Variants in ADGRL3 observed in about 807,000 individuals in gnomAD.
The protein encoded by ADGRL3 is calcium-independent alpha-latrotoxin receptor 3.
A neutral mutation model predicts 153.5 loss-of-function variants in ADGRL3; 62 were observed. The ratio of observed to expected loss-of-function variants is 0.40; its 90% CI spans 0.33 to 0.50. The LOEUF is 0.50. Among genes scored for constraint, ADGRL3 ranks in the 20% least tolerant of loss-of-function variants. ADGRL3 has a pLI of 0.47. For missense variants in ADGRL3, 1,641 were observed against 1,859.4 expected (o/e 0.88, Z 2.16); for synonymous variants, 710 against 672.5 (o/e 1.06, Z -0.86).
chr4:61,956,312 T>C (rs2098965930), intron 17 of ADGRL3, among the ~76,000 whole-genome samples: 1 of 152,080 alleles, frequency 6.6e-6, no homozygotes, highest in Non-Finnish European at 1.5e-5. Context: ...TTTTTTCCTA[T>C]GTTTGTTGGC....
At chr4:61,911,259 A>C (rs2098720590) in intron 12 of ADGRL3, among the ~76,000 whole-genome samples, 1 of 152,156 alleles carries the variant, frequency 6.6e-6, no homozygotes, top group Admixed American at 6.5e-5. Flanking sequence ...TTGATGTCTG[A>C]CAATATCAGG....
At chr4:61,613,582 A>G (rs1401793092) in intron 5 of ADGRL3, among the ~76,000 whole-genome samples, 2 of 152,106 alleles carry the variant, frequency 1.3e-5, no homozygotes, top group African/African-American at 2.4e-5. Flanking sequence ...TGTCTCTACT[A>G]AAAATACAAA....
intron 26 of ADGRL3, among the ~76,000 whole-genome samples, chr4:62,068,877 A>G (rs1031340236): frequency 2.6e-5 from 4 of 152,192 alleles, no homozygotes; most frequent in African/African-American, 4.8e-5. Flanking sequence ...GCATATTTGA[A>G]TCACGTAATT....
chr4:62,047,857 C>G (rs115584340), intron 25 of ADGRL3, among the ~76,000 whole-genome samples: 1 of 152,104 alleles, frequency 6.6e-6, no homozygotes, highest in Non-Finnish European at 1.5e-5. Flanking sequence ...GCCAGCACTA[C>G]TATCAAGTTA....
chr4:61,551,601 A>C (rs1171179466), intron 4 of ADGRL3, among the ~76,000 whole-genome samples: 3 of 152,154 alleles, frequency 2.0e-5, no homozygotes, highest in African/African-American at 7.2e-5. Flanking sequence ...TCCTTTTGCT[A>C]AGATAAACCA....
intron 7 of ADGRL3, among the ~76,000 whole-genome samples, chr4:61,732,002 G>T (rs1202994167): frequency 6.6e-6 from 1 of 152,094 alleles, no homozygotes; most frequent in Non-Finnish European, 1.5e-5. Context: ...ACAGTAAAAG[G>T]TACATGTTTT....
chr4:61,203,452 G>T (rs1357580651), intron 1 of ADGRL3, among the ~76,000 whole-genome samples: 2 of 152,174 alleles, frequency 1.3e-5, no homozygotes, highest in African/African-American at 4.8e-5. Flanking sequence ...GGAAGTATAA[G>T]GCTTCTTGCA....
intron 3 of ADGRL3, among the ~76,000 whole-genome samples, chr4:61,502,164 G>T (rs1184733699): frequency 6.6e-6 from 1 of 152,066 alleles, no homozygotes; most frequent in African/African-American, 2.4e-5. Flanking sequence ...TAGGTACCTG[G>T]GGCTCATTTT....
At chr4:61,544,875 C>T (rs1023418803) in intron 4 of ADGRL3, among the ~76,000 whole-genome samples, 1 of 152,270 alleles carries the variant, frequency 6.6e-6, no homozygotes, top group Admixed American at 6.5e-5. Flanking sequence ...ATTTCACTAA[C>T]ACTTTGCAAT....
chr4:61,430,846 C>A (rs991858292), intron 2 of ADGRL3, among the ~76,000 whole-genome samples: 22 of 151,994 alleles, frequency 1.4e-4, no homozygotes, highest in African/African-American at 4.3e-4. Context: ...AATATATTCT[C>A]CTGCATATTT....
chr4:61,817,262 A>C (rs983742833), intron 9 of ADGRL3, among the ~76,000 whole-genome samples: 1 of 150,730 alleles, frequency 6.6e-6, no homozygotes, highest in African/African-American at 2.4e-5. Context: ...TTTAAACCCC[A>C]CTTTCAAGGC....
intron 1 of ADGRL3, among the ~76,000 whole-genome samples, chr4:61,216,199 C>T (rs1742705470): frequency 6.6e-6 from 1 of 152,068 alleles, no homozygotes; most frequent in African/African-American, 2.4e-5. Context: ...ATTAGACTAT[C>T]TTTTTGTGAT....
At chr4:61,287,571 C>T (rs1337832639) in intron 1 of ADGRL3, among the ~76,000 whole-genome samples, 1 of 151,866 alleles carries the variant, frequency 6.6e-6, no homozygotes, top group Non-Finnish European at 1.5e-5. Flanking sequence ...TAAATTAATT[C>T]TGTATGTAGC....
chr4:61,963,430 G>A (rs999877822), intron 17 of ADGRL3, among the ~76,000 whole-genome samples: 1 of 151,814 alleles, frequency 6.6e-6, no homozygotes, highest in Non-Finnish European at 1.5e-5. Flanking sequence ...CCACTCTCAA[G>A]AAGGCCCTAG....
intron 5 of ADGRL3, among the ~76,000 whole-genome samples, chr4:61,615,745 T>TG (rs1388330607): frequency 1.3e-5 from 2 of 152,090 alleles, no homozygotes; most frequent in Non-Finnish European, 1.5e-5. Flanking sequence ...TGACTTGCAT[T>TG]GAAAACTATC....
chr4:61,991,809 C>G (rs2099104782), intron 19 of ADGRL3, among the ~76,000 whole-genome samples: 1 of 150,796 alleles, frequency 6.6e-6, no homozygotes, highest in Non-Finnish European at 1.5e-5. Flanking sequence ...CCTTTTCTCT[C>G]TTCTGTCCTT....
intron 2 of ADGRL3, among the ~76,000 whole-genome samples, chr4:61,490,685 C>T (rs1179175624): frequency 8.6e-6 from 1 of 116,528 alleles, no homozygotes; most frequent in Non-Finnish European, 1.8e-5. Flanking sequence ...GGTTATTTGA[C>T]CCCCTCAATA....
intron 6 of ADGRL3, among the ~76,000 whole-genome samples, chr4:61,722,166 C>A (rs2096253946): frequency 1.3e-5 from 2 of 152,122 alleles, no homozygotes; most frequent in Admixed American, 1.3e-4. Flanking sequence ...ATTTTTGATT[C>A]ACTTAACAAT....
At chr4:61,641,459 T>C (rs1376620149) in intron 5 of ADGRL3, among the ~76,000 whole-genome samples, 1 of 108,460 alleles carries the variant, frequency 9.2e-6, no homozygotes, top group Non-Finnish European at 1.7e-5. Flanking sequence ...ACAACAGTCC[T>C]CAGAGTGTGA....
Sources: gnomAD v4.1 joint callset for allele counts (sites outside exome capture counted in the v4.1 genomes callset) on GRCh38, gnomAD v4.1.1 for gene constraint, MANE v1.5 for transcripts, NCBI Gene and HGNC (gene_info 2026-07-23, HGNC 2026-07-21) for gene names.